Variants in PRKG1 observed in about 807,000 individuals in gnomAD.
PRKG1 encodes cGMP-dependent protein kinase 1.
PRKG1 carries 35 observed loss-of-function variants against 88.1 expected under a neutral mutation model. That is an observed-to-expected ratio of 0.40 (90% confidence interval 0.30 to 0.53). PRKG1 has a LOEUF of 0.53. Among genes scored for constraint, PRKG1 ranks in the 20% least tolerant of loss-of-function variants. The pLI is 0.59. For missense variants in PRKG1, 540 were observed against 839.8 expected, an observed-to-expected ratio of 0.64 and a Z score of 4.41; for synonymous variants, 303 against 292.5, an observed-to-expected ratio of 1.04 and a Z score of -0.37.
intron 3 of PRKG1, among the ~76,000 whole-genome samples, chr10:51,754,772 G>C (rs750340283): frequency 6.6e-6 from 1 of 152,146 alleles, no homozygotes; most frequent in Non-Finnish European, 1.5e-5. Flanking sequence ...TTAGGTTAGA[G>C]CTGCATGAAT....
At chr10:52,203,554 T>C (rs1839731875) in intron 9 of PRKG1, among the ~76,000 whole-genome samples, 1 of 152,186 alleles carries the variant, frequency 6.6e-6, no homozygotes, top group Admixed American at 6.5e-5. Flanking sequence ...AAGGGTTGAG[T>C]TCAGGTCCCG....
At chr10:51,853,486 C>T (rs879115544) in intron 4 of PRKG1, among the ~76,000 whole-genome samples, 5 of 152,052 alleles carry the variant, frequency 3.3e-5, no homozygotes, top group African/African-American at 1.2e-4. Flanking sequence ...TCATAGCACA[C>T]GTGGAGGAGT....
chr10:51,470,240 A>G (rs1293909882), intron 3 of PRKG1, among the ~76,000 whole-genome samples: 3 of 151,852 alleles, frequency 2.0e-5, no homozygotes, highest in Non-Finnish European at 2.9e-5. Context: ...TTAGTATTCA[A>G]GATTATATCA....
intron 9 of PRKG1, among the ~76,000 whole-genome samples, chr10:52,163,057 A>G (rs867388866): frequency 1.3e-5 from 2 of 152,212 alleles, no homozygotes; most frequent in South Asian, 2.1e-4. Context: ...TCTAGTATTA[A>G]TAATAATCCC....
At chr10:51,691,596 G>A (rs1405682048) in intron 3 of PRKG1, among the ~76,000 whole-genome samples, 3 of 152,158 alleles carry the variant, frequency 2.0e-5, no homozygotes, top group Non-Finnish European at 1.5e-5. Flanking sequence ...GATTGCAGGC[G>A]TGAGATACCT....
intron 2 of PRKG1, among the ~76,000 whole-genome samples, chr10:51,412,709 T>C (rs962390887): frequency 6.6e-6 from 1 of 152,064 alleles, no homozygotes; most frequent in African/African-American, 2.4e-5. Flanking sequence ...ATTCAGTTTA[T>C]GGGGAAGCAC....
intron 3 of PRKG1, among the ~76,000 whole-genome samples, chr10:51,758,327 G>A (rs1564635290): frequency 6.6e-6 from 1 of 152,076 alleles, no homozygotes; most frequent in Non-Finnish European, 1.5e-5. Flanking sequence ...CAGAAAATAA[G>A]AATAGACAAA....
chr10:52,282,912 G>A (rs1842031545), intron 14 of PRKG1, among the ~76,000 whole-genome samples: 1 of 152,122 alleles, frequency 6.6e-6, no homozygotes, highest in Non-Finnish European at 1.5e-5. Context: ...ACAGGGATGG[G>A]TTCGTAAAGA....
chr10:51,189,625 AATATTT>A (rs1312467302), intron 2 of PRKG1, among the ~76,000 whole-genome samples: 2 of 151,938 alleles, frequency 1.3e-5, no homozygotes, highest in African/African-American at 4.8e-5. Flanking sequence ...TCATTCAACA[AATATTT>A]ATTGAATGCC....
intron 1 of PRKG1, among the ~76,000 whole-genome samples, chr10:51,124,374 G>T (rs1194871822): frequency 6.6e-6 from 1 of 152,014 alleles, no homozygotes; most frequent in Non-Finnish European, 1.5e-5. Context: ...TGTGTGTGGG[G>T]GTGTGGAGTG....
chr10:51,284,489 T>A (rs1411696142), intron 2 of PRKG1, among the ~76,000 whole-genome samples: 1 of 152,238 alleles, frequency 6.6e-6, no homozygotes, highest in Non-Finnish European at 1.5e-5. Context: ...ATAGGTTTGT[T>A]CTGTTTTGCA....
chr10:51,393,913 TGTTA>T (rs1198974480), intron 2 of PRKG1, among the ~76,000 whole-genome samples: 3 of 152,212 alleles, frequency 2.0e-5, no homozygotes, highest in Non-Finnish European at 4.4e-5. Context: ...ACGTTTTAAA[TGTTA>T]GTTAGAAGTA....
chr10:52,200,697 T>C (rs913938737), intron 9 of PRKG1, among the ~76,000 whole-genome samples: 1 of 152,218 alleles, frequency 6.6e-6, no homozygotes, highest in African/African-American at 2.4e-5. Flanking sequence ...TGTTCCCTTT[T>C]CACCACAACC....
chr10:52,123,272 A>G (rs1392217131), intron 7 of PRKG1, among the ~76,000 whole-genome samples: 2 of 152,216 alleles, frequency 1.3e-5, no homozygotes, highest in Admixed American at 6.5e-5. Flanking sequence ...ATCGAAGAGG[A>G]TATGCAGTCT....
intron 4 of PRKG1, among the ~76,000 whole-genome samples, chr10:51,846,006 C>T (rs1484301902): frequency 6.6e-6 from 1 of 152,086 alleles, no homozygotes; most frequent in Non-Finnish European, 1.5e-5. Flanking sequence ...CTTATTACTG[C>T]AAATGCAAAG....
chr10:52,270,182 G>T (rs1364689312), intron 10 of PRKG1, among the ~76,000 whole-genome samples: 3 of 152,122 alleles, frequency 2.0e-5, no homozygotes, highest in Non-Finnish European at 4.4e-5. Flanking sequence ...GCAGAGACTA[G>T]GGTCCACCAC....
At chr10:51,594,007 T>G (rs112258449) in intron 3 of PRKG1, among the ~76,000 whole-genome samples, 10,910 of 152,106 alleles carry the variant, frequency 0.072, 1,281 homozygotes, top group African/African-American at 0.25. Context: ...ATTACAGGTG[T>G]GGGCCACCGT....
intron 4 of PRKG1, among the ~76,000 whole-genome samples, chr10:51,890,162 G>C (rs1298578864): frequency 1.3e-5 from 2 of 152,102 alleles, no homozygotes. Flanking sequence ...GTAATGCCTA[G>C]GTTTTCTTCT....
chr10:51,615,951 A>G (rs1839042097), intron 3 of PRKG1, among the ~76,000 whole-genome samples: 1 of 151,976 alleles, frequency 6.6e-6, no homozygotes, highest in African/African-American at 2.4e-5. Context: ...ACTTCCTCCC[A>G]TTTTTAAAAT....
Sources: allele counts gnomAD v4.1 joint callset (sites outside exome capture counted in the v4.1 genomes callset), GRCh38; gene constraint gnomAD v4.1.1; transcripts MANE v1.5; gene names NCBI Gene and HGNC (gene_info 2026-07-23, HGNC 2026-07-21).